Variants in GLUD1 observed in about 807,000 individuals in gnomAD.
GLUD1 encodes glutamate dehydrogenase 1, mitochondrial.
GLUD1 carries 22 observed loss-of-function variants against 56.0 expected under a neutral mutation model. The observed-to-expected ratio is 0.39, with a 90% CI of 0.28 to 0.56. The LOEUF (loss-of-function observed/expected upper bound fraction) is 0.56, where lower values mean the gene tolerates loss of function less well. Ranked by LOEUF, GLUD1 falls within the 20% of genes least tolerant of loss-of-function variation. The pLI is 0.58. For synonymous variants in GLUD1, 223 were observed against 269.9 expected (o/e 0.83, Z 1.70); for missense variants, 451 against 732.0 (o/e 0.62, Z 4.43).
intron 1 of GLUD1, among the ~76,000 whole-genome samples, chr10:87,077,559 T>C (rs1041825222): frequency 4.7e-5 from 7 of 149,916 alleles, no homozygotes; most frequent in Admixed American, 1.4e-4. Flanking sequence ...GACAGGTAGG[T>C]ACTAGTGCCC....
chr10:87,083,806 A>G (rs1166900938), intron 1 of GLUD1, among the ~76,000 whole-genome samples: 1 of 129,414 alleles, frequency 7.7e-6, no homozygotes, highest in African/African-American at 3.1e-5. Context: ...ACATAGTGAG[A>G]TCCCATCTCT....
chr10:87,087,591 C>T (rs1258827102), intron 1 of GLUD1, among the ~76,000 whole-genome samples: 1 of 152,174 alleles, frequency 6.6e-6, no homozygotes, highest in Non-Finnish European at 1.5e-5. Context: ...CATTCAGGAG[C>T]TCTGTGTTGG....
chr10:87,078,666 T>G (rs1176022346), intron 1 of GLUD1, among the ~76,000 whole-genome samples: 4 of 152,194 alleles, frequency 2.6e-5, no homozygotes, highest in Non-Finnish European at 5.9e-5. Flanking sequence ...TTGACATACA[T>G]GTTAAGTTTT....
At chr10:87,072,497 G>A (rs149351182) in intron 4 of GLUD1, among the ~76,000 whole-genome samples, 75 of 152,278 alleles carry the variant, frequency 4.9e-4, no homozygotes, top group Admixed American at 2.2e-3. Context: ...TTGAAGGTTT[G>A]CCGAGGAGTG....
intron 4 of GLUD1, among the ~76,000 whole-genome samples, chr10:87,072,064 GGAGTTTGA>G (rs1271082942): frequency 4.6e-5 from 7 of 152,294 alleles, no homozygotes; most frequent in African/African-American, 1.7e-4. Context: ...CTTGAGCTCA[GGAGTTTGA>G]GACCAGTCTG....
At chr10:87,081,243 G>C (rs1261514240) in intron 1 of GLUD1, among the ~76,000 whole-genome samples, 1 of 149,294 alleles carries the variant, frequency 6.7e-6, no homozygotes, top group Non-Finnish European at 1.5e-5. Context: ...GGGAGGTGAG[G>C]GGGCGCCTCT....
At chr10:87,069,941 T>C (rs1324194942) in intron 4 of GLUD1, among the ~76,000 whole-genome samples, 1 of 152,238 alleles carries the variant, frequency 6.6e-6, no homozygotes, top group Non-Finnish European at 1.5e-5. Context: ...TATTCTAGCC[T>C]CATCCACTGA....
chr10:87,052,020 A>T (rs943207783), intron 12 of GLUD1, 150 bp from the exon 13 acceptor site: 5 of 873,332 alleles, frequency 5.7e-6, no homozygotes, highest in Non-Finnish European at 9.5e-6. Flanking sequence ...CTCTAGCAGC[A>T]GAACCTCTAG....
In GLUD1 at chr10:87,065,310, AGAGCTCATT is replaced by A. The variant is rs1846048148; in HGVS notation, c.742-2484_742-2476del. On this transcript the variant is annotated intron_variant, in intron 5 of 12. Coordinates refer to ENST00000277865, the MANE Select transcript of GLUD1 (RefSeq NM_005271.5). The stretch of plus-strand genomic sequence containing the variant: ...AAAAAAAAAAAAAAATACCACACCC[AGAGCTCATT>A]GCTAAATGAGCTCCTGATCTCAGGT... Among the ~76,000 whole-genome samples, 5 of 148,652 alleles carry A rather than the reference AGAGCTCATT, an allele frequency of 3.4e-5. No individual in the cohort carries two copies. The South Asian group carries it at 1.1e-3, about 32-fold the overall frequency.
Position 87,094,174 on chromosome 10 carries a change from C to G in GLUD1, c.445+151G>C. ...GAAAAATCACCATCCACAGAGCCGG[C>G]CACATCCGAGGCGGGGTGACCCGGG... On this transcript the variant is annotated intron_variant, in intron 1 of 12. Transcript: ENST00000277865. The surrounding 1 kb of genome is among the most constrained non-coding windows in gnomAD (Gnocchi z 6.6). The G allele has an allele frequency of 7.2e-7, 1 of 1,392,412 alleles. No individual in the cohort carries two copies. Among genetic ancestry groups the G allele is most frequent in the East Asian group, 2.5e-5 (1 of 39,750 alleles). 86.3% of individuals were successfully genotyped at this position (1,392,412 alleles called of 1,614,324 possible). A position where few individuals can be genotyped will look rare whatever the true frequency, so the allele number is the denominator to read the frequency against.
chr10:87,067,242 C>CT (rs1290400268), intron 5 of GLUD1, among the ~76,000 whole-genome samples: 10 of 151,840 alleles, frequency 6.6e-5, no homozygotes, highest in Admixed American at 1.3e-4. Flanking sequence ...TTCATTCTTA[C>CT]TTTTTTTTTG....
intron 1 of GLUD1, among the ~76,000 whole-genome samples, chr10:87,078,475 C>T (rs1192599384): frequency 1.3e-5 from 2 of 152,188 alleles, no homozygotes; most frequent in African/African-American, 4.8e-5. Context: ...TATTATCTGG[C>T]TTCCCTACCT....
Position 87,062,718 on chromosome 10 carries a change from C to T in GLUD1, c.859G>A (p.Ala287Thr), listed in dbSNP as rs1355429143. Residue 287 changes from alanine (A) to threonine (T), a missense_variant, in exon 6 of 13, where the codon GCT (alanine) becomes ACT (threonine). By Grantham distance (58) the Ala-to-Thr change is moderately conservative (BLOSUM62 0). Coordinates refer to ENST00000277865, the MANE Select transcript of GLUD1 (RefSeq NM_005271.5). ...ATTCCTAAAATGCTCATGTAAGAAG[C>T]TTCATTGATGAAATTTTCAATCCCA... ...FHGIENFINE[A>T]SYMSILGMTP... The T allele has an allele frequency of 1.9e-6, 3 of 1,613,966 alleles. No homozygotes were observed. The highest frequency in any genetic ancestry group is 1.7e-5 in the Admixed American group (1 of 60,006).
intron 1 of GLUD1, among the ~76,000 whole-genome samples, chr10:87,078,503 A>G (rs2133832478): frequency 6.6e-6 from 1 of 152,312 alleles, no homozygotes; most frequent in East Asian, 1.9e-4. Flanking sequence ...TAGCACCACG[A>G]GGGCAGACTT....
intron 5 of GLUD1, among the ~76,000 whole-genome samples, chr10:87,066,138 C>T (rs750230281): frequency 3.2e-4 from 49 of 152,076 alleles, no homozygotes; most frequent in Middle Eastern, 6.8e-3. Flanking sequence ...ATAAACATGC[C>T]AAAAGACAAA....
chr10:87,064,135 G>T (rs976605204), intron 5 of GLUD1, among the ~76,000 whole-genome samples: 22 of 152,026 alleles, frequency 1.4e-4, no homozygotes, highest in African/African-American at 5.3e-4. Context: ...GGATGGTCTC[G>T]ATCTCCTGAC....
intron 1 of GLUD1, among the ~76,000 whole-genome samples, chr10:87,086,824 G>A (rs1161213586): frequency 2.9e-5 from 4 of 137,972 alleles, no homozygotes; most frequent in East Asian, 2.1e-4. Context: ...GCGAGACTCC[G>A]TCTCAAAGAA....
intron 10 of GLUD1, among the ~76,000 whole-genome samples, chr10:87,058,557 C>G (rs1482968398): frequency 6.6e-6 from 1 of 152,136 alleles, no homozygotes; most frequent in Admixed American, 6.5e-5. Flanking sequence ...CAACCAGAGA[C>G]AGAAATTAGT....
In GLUD1 at chr10:87,051,008, G is replaced by A. The variant is rs1845617456; in HGVS notation, c.*743C>T. On this transcript the variant is annotated 3_prime_UTR_variant, in exon 13 of 13. Coordinates refer to ENST00000277865, the MANE Select transcript of GLUD1 (RefSeq NM_005271.5). ...GCCTCCACCATTTTGCAGGTATGAA[G>A]ATAACTTAATTATCCACAGGGCTTT... 6.5e-6 allele frequency: 1 copy of A among 154,416 alleles called. No individual in the cohort carries two copies. Among genetic ancestry groups the A allele is most frequent in the Non-Finnish European group, 1.5e-5 (1 of 68,108 alleles). 9.6% of individuals were successfully genotyped at this position (154,416 alleles called of 1,614,324 possible). A position where few individuals can be genotyped will look rare whatever the true frequency, so the allele number is the denominator to read the frequency against.
Sources: gnomAD v4.1 joint callset for allele counts (sites outside exome capture counted in the v4.1 genomes callset) on GRCh38, gnomAD v4.1.1 for gene constraint, Gnocchi (gnomAD v3.1) non-coding constraint, MANE v1.5 for transcripts, NCBI Gene and HGNC (gene_info 2026-07-23, HGNC 2026-07-21) for gene names.